ACTR3: variants seen among roughly 807,000 people sequenced by gnomAD.
ACTR3 encodes the protein actin related protein 3.
ACTR3 carries 12 observed loss-of-function variants against 56.8 expected under a neutral mutation model. The ratio of observed to expected loss-of-function variants is 0.21; its 90% CI spans 0.14 to 0.34. The LOEUF is 0.34. ACTR3 is among the 10% of genes least tolerant of loss of function. The probability of loss-of-function intolerance (pLI) is 1.00; values close to 1 mark genes in which losing one functional copy is unlikely to be tolerated. For synonymous variants in ACTR3, 162 were observed against 167.4 expected, an observed-to-expected ratio of 0.97 and a Z score of 0.25; for missense variants, 282 against 512.5, an observed-to-expected ratio of 0.55 and a Z score of 4.34.
intron 11 of ACTR3, among the ~76,000 whole-genome samples, chr2:113,957,006 G>A (rs999848862): frequency 1.3e-5 from 2 of 152,186 alleles, no homozygotes; most frequent in East Asian, 1.9e-4. Flanking sequence ...GTAGTTAGGC[G>A]AATGCCGCTT....
intron 8 of ACTR3, 112 bp from the exon 9 acceptor site, chr2:113,951,367 A>G: frequency 1.6e-6 from 1 of 641,228 alleles, no homozygotes; most frequent in South Asian, 2.0e-5. Context: ...GACCAGTATT[A>G]GTGGTTTCTA....
At chr2:113,905,138 A>G (rs1679169994) in intron 1 of ACTR3, 1 of 151,850 alleles carries the variant, frequency 6.6e-6, no homozygotes, top group East Asian at 1.9e-4. Context: ...ACTATATCAC[A>G]TTTTCTTTTA....
chr2:113,891,316 A>C (rs1254018444), intron 1 of ACTR3, among the ~76,000 whole-genome samples: 2 of 152,202 alleles, frequency 1.3e-5, no homozygotes, highest in African/African-American at 4.8e-5. Flanking sequence ...ATAGAGGTAT[A>C]TAGGAGGGTG....
At chr2:113,898,814 A>T (rs1027735660) in intron 1 of ACTR3, among the ~76,000 whole-genome samples, 4 of 152,188 alleles carry the variant, frequency 2.6e-5, no homozygotes, top group Non-Finnish European at 5.9e-5. Context: ...AGCCATTTCA[A>T]GGCCCTTTGC....
At chr2:113,951,693 A>G (rs747041032) in intron 9 of ACTR3, 27 bp from the exon 10 acceptor site, 1 of 1,521,722 alleles carries the variant, frequency 6.6e-7, no homozygotes, top group Non-Finnish European at 8.9e-7. Flanking sequence ...CTCTTTTTAA[A>G]TATTATATTT....
chr2:113,941,061 G>T (rs937273132), intron 7 of ACTR3, among the ~76,000 whole-genome samples: 1 of 152,042 alleles, frequency 6.6e-6, no homozygotes, highest in African/African-American at 2.4e-5. Context: ...CAATCCTCCT[G>T]CTTCGGAATC....
At chr2:113,891,202 A>G (rs1266894743) in intron 1 of ACTR3, among the ~76,000 whole-genome samples, 1 of 152,162 alleles carries the variant, frequency 6.6e-6, no homozygotes, top group Non-Finnish European at 1.5e-5. Flanking sequence ...AAAAAAATGT[A>G]CTTATGTTTC....
chr2:113,920,083 C>T (rs1036757102), intron 3 of ACTR3, among the ~76,000 whole-genome samples: 3 of 152,126 alleles, frequency 2.0e-5, no homozygotes, highest in Admixed American at 6.5e-5. Flanking sequence ...GCCACCACGC[C>T]GGACTAATTT....
At chr2:113,909,790 A>G (rs1382154149) in intron 1 of ACTR3, among the ~76,000 whole-genome samples, 1 of 152,114 alleles carries the variant, frequency 6.6e-6, no homozygotes, top group African/African-American at 2.4e-5. Flanking sequence ...ATGATTATGG[A>G]GAACTTTAAT....
chr2:113,926,654 C>T (rs1395505747), intron 3 of ACTR3, among the ~76,000 whole-genome samples: 1 of 152,172 alleles, frequency 6.6e-6, no homozygotes, highest in East Asian at 1.9e-4. Context: ...GCCTTCAACC[C>T]TCTGGAGAAT....
rs916471757 is a variant in ACTR3 at position 113,924,158 on chromosome 2, C to T, written c.226-3187C>T. Reference sequence around the variant, plus strand: ...CAAGACCCTCCACAATCACTTTGACCCTCTGGGCTCAAGTGATTCTTCCAC... The same window carrying T: ...CAAGACCCTCCACAATCACTTTGACTCTCTGGGCTCAAGTGATTCTTCCAC... On this transcript the variant is annotated intron_variant, in intron 3 of 11. Transcript: ENST00000263238. 6.6e-5 allele frequency among the ~76,000 whole-genome samples: 10 copies of T among 151,624 alleles called. 1 individual carries two copies. Among genetic ancestry groups the T allele is most frequent in the Non-Finnish European group, 1.2e-4 (8 of 67,922 alleles).
At chr2:113,897,485 A>G (rs1197526827) in intron 1 of ACTR3, among the ~76,000 whole-genome samples, 1 of 151,672 alleles carries the variant, frequency 6.6e-6, no homozygotes, top group Non-Finnish European at 1.5e-5. Context: ...GGAACCAGGA[A>G]AGGAATAGCT....
intron 11 of ACTR3, among the ~76,000 whole-genome samples, chr2:113,955,924 T>C (rs1160139946): frequency 6.6e-6 from 1 of 152,084 alleles, no homozygotes; most frequent in African/African-American, 2.4e-5. Context: ...ATTTTGCATT[T>C]TTAGCAGAGA....
intron 10 of ACTR3, 72 bp from the exon 11 acceptor site, chr2:113,955,551 T>C (rs1280154789): frequency 3.5e-6 from 4 of 1,134,904 alleles, no homozygotes; most frequent in Non-Finnish European, 5.2e-6. Flanking sequence ...TATATGTACA[T>C]TTAAGGTTAA....
intron 1 of ACTR3, among the ~76,000 whole-genome samples, chr2:113,899,379 T>C (rs554072696): frequency 6.6e-6 from 1 of 152,124 alleles, no homozygotes; most frequent in Admixed American, 6.5e-5. Flanking sequence ...CATATGAAAG[T>C]AAAAAAATAG....
chr2:113,911,047 A>G (rs749026053), intron 1 of ACTR3, among the ~76,000 whole-genome samples: 10 of 152,210 alleles, frequency 6.6e-5, no homozygotes, highest in Non-Finnish European at 1.2e-4. Flanking sequence ...GGTATAGTAG[A>G]CTAGTCATTT....
intron 3 of ACTR3, among the ~76,000 whole-genome samples, chr2:113,920,038 T>G (rs1163680823): frequency 6.6e-6 from 1 of 152,188 alleles, no homozygotes; most frequent in Admixed American, 6.5e-5. Context: ...ATTCTCCTGC[T>G]TCAGCCTCCT....
intron 1 of ACTR3, 64 bp downstream of exon 1, chr2:113,890,387 G>T (rs1310518138): frequency 2.3e-6 from 3 of 1,309,314 alleles, no homozygotes; most frequent in African/African-American, 1.5e-5. Context: ...GCGGGGGAGG[G>T]AGGAGGCCGG....
At chr2:113,941,191 A>T (rs1423256772) in intron 7 of ACTR3, among the ~76,000 whole-genome samples, 1 of 152,224 alleles carries the variant, frequency 6.6e-6, no homozygotes, top group East Asian at 1.9e-4. Flanking sequence ...GTAAATTAGT[A>T]AATGACTACC....
Sources: gnomAD v4.1 joint callset for allele counts (sites outside exome capture counted in the v4.1 genomes callset) on GRCh38, gnomAD v4.1.1 for gene constraint, MANE v1.5 for transcripts, NCBI Gene and HGNC (gene_info 2026-07-23, HGNC 2026-07-21) for gene names.